Variants in TMEM156 observed in about 807,000 individuals in gnomAD.
The protein encoded by TMEM156 is transmembrane protein 156.
In TMEM156, 28 loss-of-function variants were observed where a neutral mutation model predicts 30.5. The ratio of observed to expected loss-of-function variants is 0.92; its 90% CI spans 0.68 to 1.26. The LOEUF (loss-of-function observed/expected upper bound fraction) is 1.26. Ranked by LOEUF, TMEM156 falls within the 50% of genes most tolerant of loss-of-function variation. The pLI, the probability that TMEM156 is intolerant of heterozygous loss-of-function variation, is 0.00. For synonymous variants in TMEM156, 137 were observed against 119.9 expected (o/e 1.14, Z -0.93); for missense variants, 351 against 340.6 (o/e 1.03, Z -0.24).
chr4:38,993,514 A>G (rs1214770181), intron 3 of TMEM156, among the ~76,000 whole-genome samples: 1 of 152,114 alleles, frequency 6.6e-6, no homozygotes, highest in Non-Finnish European at 1.5e-5. Flanking sequence ...TCAAATCGTG[A>G]CCCATAAATG....
chr4:38,986,239 T>C (rs757739587), intron 5 of TMEM156, 97 bp downstream of exon 5: 88 of 840,948 alleles, frequency 1.0e-4, no homozygotes, highest in Non-Finnish European at 1.5e-4. Context: ...CTAATTTACA[T>C]AAGCTCAGAT....
At chr4:38,985,562 A>G (rs1711920738) in intron 5 of TMEM156, among the ~76,000 whole-genome samples, 1 of 152,162 alleles carries the variant, frequency 6.6e-6, no homozygotes, top group African/African-American at 2.4e-5. Flanking sequence ...CCCATTTTTG[A>G]AAACTGTTTA....
chr4:38,992,965 G>T (rs1002934001), intron 3 of TMEM156, among the ~76,000 whole-genome samples: 7 of 150,664 alleles, frequency 4.6e-5, no homozygotes, highest in African/African-American at 9.8e-5. Context: ...GTTTCACTGT[G>T]TTAGCCAGGA....
At chr4:39,005,530 T>C (rs1713669990) in intron 1 of TMEM156, among the ~76,000 whole-genome samples, 1 of 151,952 alleles carries the variant, frequency 6.6e-6, no homozygotes, top group Non-Finnish European at 1.5e-5. Context: ...CTTTCCTTTA[T>C]AAATTACCCA....
intron 1 of TMEM156, among the ~76,000 whole-genome samples, chr4:39,013,029 T>C (rs1036141604): frequency 4.6e-5 from 7 of 151,980 alleles, no homozygotes; most frequent in Admixed American, 1.3e-4. Context: ...CTGGACATGG[T>C]GGCTTACGCC....
chr4:39,028,962 T>C (rs576423010), intron 1 of TMEM156, among the ~76,000 whole-genome samples: 16 of 152,318 alleles, frequency 1.1e-4, no homozygotes, highest in African/African-American at 3.6e-4. Context: ...AGTAGCTCCC[T>C]TTTTTGGTAA....
At chr4:39,012,202 A>G (rs1253744711) in intron 1 of TMEM156, among the ~76,000 whole-genome samples, 1 of 152,240 alleles carries the variant, frequency 6.6e-6, no homozygotes, top group Non-Finnish European at 1.5e-5. Flanking sequence ...AAATATATTA[A>G]TGAAATACAT....
At chr4:39,023,268 C>T (rs1255026550) in intron 1 of TMEM156, among the ~76,000 whole-genome samples, 1 of 152,200 alleles carries the variant, frequency 6.6e-6, no homozygotes, top group East Asian at 1.9e-4. Flanking sequence ...TTACAAGTTA[C>T]TCCGTCTACA....
At chr4:39,007,415 T>TTTTATTTA (rs56959550) in intron 1 of TMEM156, among the ~76,000 whole-genome samples, 23,073 of 151,610 alleles carry the variant, frequency 0.15, 3,912 homozygotes, top group African/African-American at 0.42. Flanking sequence ...CTTCCTTTCT[T>TTTTATTTA]TTTATTTATT....
chr4:39,017,494 A>T (rs1714580619), intron 1 of TMEM156, among the ~76,000 whole-genome samples: 1 of 151,986 alleles, frequency 6.6e-6, no homozygotes, highest in Non-Finnish European at 1.5e-5. Flanking sequence ...ATGTATTTTT[A>T]TTCCCTGAAA....
chr4:38,978,548 C>T (rs745441975), intron 5 of TMEM156, among the ~76,000 whole-genome samples: 1 of 152,130 alleles, frequency 6.6e-6, no homozygotes, highest in African/African-American at 2.4e-5. Flanking sequence ...TGGGTTCAGG[C>T]AGTTCAAGGA....
rs542806273 is a variant in TMEM156 at position 39,025,148 on chromosome 4, A to C, written c.88+7078T>G. Among the ~76,000 whole-genome samples, 38 of 152,216 alleles carry C rather than the reference A, an allele frequency of 2.5e-4. 1 individual carries two copies. The South Asian group carries it at 7.7e-3, about 31-fold the overall frequency. On this transcript the variant is annotated intron_variant, in intron 1 of 6. Transcript: ENST00000381938. ...CAGATTGCCTAAACTCGGGAGTTTG[A>C]AACCAGCCTGGATAACATGGCAAAA... is the stretch of plus-strand genomic sequence containing the variant.
intron 1 of TMEM156, among the ~76,000 whole-genome samples, chr4:39,025,288 C>T (rs1356205578): frequency 7.6e-6 from 1 of 131,226 alleles, no homozygotes; most frequent in Admixed American, 9.8e-5. Context: ...GCGGAGGCTG[C>T]AGTGAGCTGA....
intron 5 of TMEM156, among the ~76,000 whole-genome samples, chr4:38,985,407 C>T (rs1245506816): frequency 1.3e-5 from 2 of 152,100 alleles, no homozygotes; most frequent in Non-Finnish European, 2.9e-5. Context: ...TAGGTGCACT[C>T]AAGCTAGGGT....
intron 1 of TMEM156, among the ~76,000 whole-genome samples, chr4:39,009,490 A>T (rs1315979795): frequency 6.6e-6 from 1 of 152,292 alleles, no homozygotes; most frequent in East Asian, 1.9e-4. Context: ...TAGATGCAAA[A>T]ATTCTCAGCA....
At chr4:39,000,543 T>C (rs555877210) in intron 1 of TMEM156, among the ~76,000 whole-genome samples, 3 of 152,218 alleles carry the variant, frequency 2.0e-5, no homozygotes, top group Non-Finnish European at 2.9e-5. Context: ...TCAAATTGTA[T>C]AGTACATATG....
chr4:38,979,702 A>G (rs1186882545), intron 5 of TMEM156, among the ~76,000 whole-genome samples: 1 of 152,206 alleles, frequency 6.6e-6, no homozygotes, highest in Non-Finnish European at 1.5e-5. Flanking sequence ...AAATGTCTAA[A>G]CAGTTATCCA....
rs140197642 is a variant in TMEM156, at chr4:39,000,024, T to G, written c.89-1115A>C. On this transcript the variant is annotated intron_variant, in intron 1 of 6. Coordinates refer to ENST00000381938, the MANE Select transcript of TMEM156 (RefSeq NM_024943.3). ...TTTAACAAGATGACAGCCTAATTTT[T>G]ACTTTTGTCTGAAGACAAACATAAG... is the stretch of plus-strand genomic sequence containing the variant. 3.4e-3 allele frequency among the ~76,000 whole-genome samples: 516 copies of G among 152,346 alleles called. 1 individual carries two copies. The highest frequency in any genetic ancestry group is 5.4e-3 in the Non-Finnish European group (365 of 68,034).
Position 38,988,900 on chromosome 4 carries a change from G to A in TMEM156, c.690C>T (p.Leu230=). ...GGCCTTCAAGTATTTTGCGGATAGT[G>A]AGGATGATCAAAAATATAAAAACTA... ...VLLVFIFLII[L]TIRKILEGQR... is the part of the protein sequence containing the mutation. Residue 230 remains leucine (L), a synonymous_variant, in exon 4 of 7, where the codon CTC becomes CTT. Coordinates refer to ENST00000381938, the MANE Select transcript of TMEM156 (RefSeq NM_024943.3). 1 of 1,614,016 alleles carries A rather than the reference G, an allele frequency of 6.2e-7. No homozygotes were observed. The highest frequency in any genetic ancestry group is 1.1e-5 in the South Asian group (1 of 91,070).
Sources: allele counts gnomAD v4.1 joint callset (sites outside exome capture counted in the v4.1 genomes callset), GRCh38; gene constraint gnomAD v4.1.1; transcripts MANE v1.5; gene names NCBI Gene and HGNC (gene_info 2026-07-23, HGNC 2026-07-21).